Variants in RANBP2 observed in about 807,000 individuals in gnomAD.
The protein encoded by RANBP2 is RAN binding protein 2.
RANBP2 carries 57 observed loss-of-function variants against 303.6 expected under a neutral mutation model. That is an observed-to-expected ratio of 0.19 (90% CI 0.15 to 0.23). RANBP2 has a LOEUF of 0.23. Ranked by LOEUF, RANBP2 falls within the 10% of genes least tolerant of loss-of-function variation. The pLI is 1.00. For missense variants in RANBP2, 3,138 were observed against 3,780.8 expected (o/e 0.83, Z 4.46); for synonymous variants, 1,167 against 1,301.5 (o/e 0.90, Z 2.23).
the RANBP2 span, among the ~76,000 whole-genome samples, chr2:109,523,950 C>CA: frequency 3.3e-5 from 5 of 152,318 alleles, no homozygotes; most frequent in South Asian, 6.2e-4. Context: ...CTGTGGTGCA[C>CA]AGCCCTGCCC....
chr2:108,791,547 T>G, the RANBP2 span: 19 of 1,089,904 alleles, frequency 1.7e-5, no homozygotes, highest in East Asian at 4.5e-4. Context: ...CATGTTTACA[T>G]TTTGCAGTTT....
chr2:109,106,933 C>T, the RANBP2 span, among the ~76,000 whole-genome samples: 1 of 142,896 alleles, frequency 7.0e-6, no homozygotes, highest in South Asian at 2.2e-4. Flanking sequence ...TGGGCCTTCT[C>T]CTTTTTTTTT....
At chr2:108,877,105 T>C in the RANBP2 span, among the ~76,000 whole-genome samples, 1 of 152,188 alleles carries the variant, frequency 6.6e-6, no homozygotes, top group South Asian at 2.1e-4. Flanking sequence ...TGTGCCATTT[T>C]TGAAGTAGAA....
chr2:108,996,571 C>T, the RANBP2 span, among the ~76,000 whole-genome samples: 10 of 152,216 alleles, frequency 6.6e-5, no homozygotes, highest in Admixed American at 1.3e-4. Flanking sequence ...AGGGGATTCA[C>T]TGACTGGGAG....
chr2:109,427,594 C>T, the RANBP2 span, among the ~76,000 whole-genome samples: 47 of 152,192 alleles, frequency 3.1e-4, no homozygotes, highest in Non-Finnish European at 6.9e-4. Context: ...CTTCGGGAGT[C>T]CCTGCACACT....
chr2:108,799,505 C>CTACT, the RANBP2 span, among the ~76,000 whole-genome samples: 2 of 152,224 alleles, frequency 1.3e-5, no homozygotes, highest in Non-Finnish European at 2.9e-5. Context: ...TTTTCTGTCC[C>CTACT]AGTACATCTG....
chr2:109,117,852 T>C, the RANBP2 span, among the ~76,000 whole-genome samples: 1 of 152,356 alleles, frequency 6.6e-6, no homozygotes, highest in East Asian at 1.9e-4. Context: ...TCTAAAACCT[T>C]GCCCACACTC....
At chr2:108,756,871 G>A (rs897735082) in intron 17 of RANBP2, among the ~76,000 whole-genome samples, 5 of 152,250 alleles carry the variant, frequency 3.3e-5, no homozygotes, top group African/African-American at 9.6e-5. Context: ...GCTCTGGTGC[G>A]GATACCAACA....
At chr2:109,104,412 G>A in the RANBP2 span, among the ~76,000 whole-genome samples, 1 of 151,600 alleles carries the variant, frequency 6.6e-6, no homozygotes, top group African/African-American at 2.4e-5. Flanking sequence ...GGTTTCTTTG[G>A]GTCTTTTTGA....
chr2:108,742,889 C>T (rs957678178), intron 7 of RANBP2, among the ~76,000 whole-genome samples: 17 of 151,956 alleles, frequency 1.1e-4, no homozygotes, highest in African/African-American at 4.1e-4. Context: ...CCTGGGTTCA[C>T]GCCATTCTCC....
At chr2:109,079,473 T>G in the RANBP2 span, among the ~76,000 whole-genome samples, 1 of 152,194 alleles carries the variant, frequency 6.6e-6, no homozygotes, top group Non-Finnish European at 1.5e-5. Flanking sequence ...ACCCCTTCGT[T>G]GTTAAAGAGT....
the RANBP2 span, among the ~76,000 whole-genome samples, chr2:109,358,854 T>C: frequency 6.6e-6 from 1 of 152,236 alleles, no homozygotes; most frequent in South Asian, 2.1e-4. Context: ...AAAAAGTCAT[T>C]GCCAAACCCA....
chr2:109,389,757 A>C, the RANBP2 span, among the ~76,000 whole-genome samples: 1 of 152,218 alleles, frequency 6.6e-6, no homozygotes, highest in African/African-American at 2.4e-5. Flanking sequence ...AAAGATACAC[A>C]TTACATATGT....
At chr2:108,824,332 GT>G in the RANBP2 span, among the ~76,000 whole-genome samples, 1 of 152,042 alleles carries the variant, frequency 6.6e-6, no homozygotes, top group African/African-American at 2.4e-5. Context: ...TTTATATCCT[GT>G]AAGTTTTTTT....
chr2:108,765,081 T>C lies in RANBP2; in HGVS notation c.4542T>C (p.Ser1514=), dbSNP rs2149276093. The C allele has an allele frequency of 6.2e-7, 1 of 1,614,020 alleles. No individual in the cohort carries two copies. Among genetic ancestry groups the C allele is most frequent in the East Asian group, 2.2e-5 (1 of 44,868 alleles). The part of the protein sequence containing the change: ...NPRKQSLPAT[S]IPTPASFKFG... ...GAAAACAGAGTCTACCTGCTACTTCTATTCCAACACCTGCCTCTTTTAAGT... is the reference window on the plus strand; with the variant it reads ...GAAAACAGAGTCTACCTGCTACTTCCATTCCAACACCTGCCTCTTTTAAGT... Residue 1514 remains serine, a synonymous_variant, in exon 20 of 29, where the codon TCT becomes TCC. Transcript: ENST00000283195.
the RANBP2 span, among the ~76,000 whole-genome samples, chr2:108,997,013 G>A: frequency 3.9e-5 from 6 of 152,140 alleles, no homozygotes; most frequent in Non-Finnish European, 8.8e-5. Flanking sequence ...GTAAGGGTGG[G>A]GAGTGCAGTG....
chr2:109,587,280 T>TA, the RANBP2 span, among the ~76,000 whole-genome samples: 1 of 151,994 alleles, frequency 6.6e-6, no homozygotes, highest in African/African-American at 2.4e-5. Flanking sequence ...GCAGATCAAA[T>TA]AATGGAAGAC....
At chr2:109,297,856 G>A in the RANBP2 span, among the ~76,000 whole-genome samples, 1 of 149,620 alleles carries the variant, frequency 6.7e-6, no homozygotes, top group South Asian at 2.1e-4. Context: ...GGGCCAGTTC[G>A]CCCCACCCAG....
chr2:109,566,596 A>G, the RANBP2 span, among the ~76,000 whole-genome samples: 13 of 152,244 alleles, frequency 8.5e-5, no homozygotes, highest in African/African-American at 3.1e-4. Flanking sequence ...ATATGGTACT[A>G]ATATAAAGTA....
Sources: allele counts gnomAD v4.1 joint callset (sites outside exome capture counted in the v4.1 genomes callset), GRCh38; gene constraint gnomAD v4.1.1; transcripts MANE v1.5; gene names NCBI Gene and HGNC (gene_info 2026-07-23, HGNC 2026-07-21).